Variants in ITIH5 observed in about 807,000 individuals in gnomAD.
ITIH5 encodes the protein inter-alpha-trypsin inhibitor heavy chain 5, also known as inter-alpha-trypsin inhibitor heavy chain H5.
Under a neutral mutation model 77.5 loss-of-function variants are expected in ITIH5, and 65 were observed. The observed-to-expected ratio is 0.84, with a 90% confidence interval of 0.69 to 1.03. The LOEUF (loss-of-function observed/expected upper bound fraction) is 1.03. ITIH5 is among the 50% of genes least tolerant of loss of function. The pLI is 0.00. For missense variants in ITIH5, 1,208 were observed against 1,213.1 expected (o/e 1.00, Z 0.06); for synonymous variants, 525 against 494.3 (o/e 1.06, Z -0.82).
rs1385886464 is a variant in ITIH5 at position 7,616,137 on chromosome 10, G to A, written c.823-39C>T. The A allele has an allele frequency of 3.4e-6, 4 of 1,192,000 alleles. No homozygotes were observed. The South Asian group carries it at 3.7e-5, about 11-fold the overall frequency. 73.8% of individuals were successfully genotyped at this position (1,192,000 alleles called of 1,614,324 possible). On this transcript the variant is annotated intron_variant, in intron 6 of 13. Transcript: ENST00000397146. ...AAGAAAGTAAAAACGGTAGTACCTA[G>A]AGCGGGGAGCAAAAATACCTGAAGT... is the stretch of plus-strand genomic sequence containing the variant.
At chr10:7,606,630 ACTGTG>A (rs1413748370) in intron 7 of ITIH5, among the ~76,000 whole-genome samples, 1 of 152,218 alleles carries the variant, frequency 6.6e-6, no homozygotes, top group Non-Finnish European at 1.5e-5. Flanking sequence ...CTTCTCAGGT[ACTGTG>A]CTTATTAGCT....
Position 7,637,239 on chromosome 10 carries a change from C to T in ITIH5, c.641G>A (p.Gly214Glu). The T allele has an allele frequency of 6.2e-7, 1 of 1,608,468 alleles. No individual in the cohort carries two copies. The highest frequency in any genetic ancestry group is 8.5e-7 in the Non-Finnish European group (1 of 1,179,884). Residue 214 changes from glycine to glutamate, a missense_variant, in exon 5 of 14, where the codon GGG (glycine) becomes GAG (glutamate). Coordinates refer to ENST00000397146, the MANE Select transcript of ITIH5 (RefSeq NM_030569.7). ...CACGCAGGACTCACCTTCCCCGCGC[C>T]CACTGCCCCTCTGCCTGCTGTTGTG... The part of the protein sequence containing the change: ...PLHNSRQRGS[G>E]RGEDDSGPPP...
chr10:7,586,923 C>A (rs1451221550), intron 7 of ITIH5, among the ~76,000 whole-genome samples: 1 of 152,094 alleles, frequency 6.6e-6, no homozygotes, highest in Non-Finnish European at 1.5e-5. Flanking sequence ...CTCTGCCTCC[C>A]AGGTTCAAGC....
At chr10:7,660,245 G>T (rs1834255445) in intron 1 of ITIH5, among the ~76,000 whole-genome samples, 1 of 152,196 alleles carries the variant, frequency 6.6e-6, no homozygotes, top group Non-Finnish European at 1.5e-5. Context: ...AGAAATAGAT[G>T]AAAGAAGAGA....
intron 7 of ITIH5, among the ~76,000 whole-genome samples, chr10:7,614,513 G>A (rs150020400): frequency 1.1e-4 from 16 of 152,254 alleles, no homozygotes; most frequent in African/African-American, 3.9e-4. Context: ...TATTGTTAGT[G>A]TGAGTGTATT....
chr10:7,576,938 GC>G lies in ITIH5; in HGVS notation c.1492del (p.Ala498ProfsTer44). The G allele has an allele frequency of 1.2e-6, 2 of 1,614,180 alleles. No individual in the cohort carries two copies. Among genetic ancestry groups the G allele is most frequent in the Non-Finnish European group, 1.7e-6 (2 of 1,180,026 alleles). ...GTAGTTGGGGAACAGGGTCTTGGTG[GC>G]CTGCACCACTGAGCTGGGGGGATAA... Reference protein sequence around the residue: ...IDYPPSSVVQATKTLFPNYFN... With the variant: ...IDYPPSSVVQXTKTLFPNYFN... On this transcript the variant is annotated frameshift_variant, in exon 10 of 14. Coordinates refer to ENST00000397146, the MANE Select transcript of ITIH5 (RefSeq NM_030569.7). LOFTEE classifies it high-confidence loss of function.
In ITIH5 at chr10:7,608,316, G is replaced by A. The variant is rs556992095; in HGVS notation, c.939+7666C>T. ...TTTGTTTGTGACAAGGTCTGGCTCT[G>A]TTGCCCAGGCTGGAGTGCAATGGCG... is the stretch of plus-strand genomic sequence containing the variant. On this transcript the variant is annotated intron_variant, in intron 7 of 13. Coordinates refer to ENST00000397146, the MANE Select transcript of ITIH5 (RefSeq NM_030569.7). Among the ~76,000 whole-genome samples the A allele has an allele frequency of 2.0e-4, 30 of 152,310 alleles. No individual in the cohort carries two copies. In the South Asian group the frequency reaches 5.8e-3, roughly 29 times the overall value.
intron 7 of ITIH5, among the ~76,000 whole-genome samples, chr10:7,598,122 G>C (rs1475791564): frequency 6.6e-6 from 1 of 152,202 alleles, no homozygotes; most frequent in African/African-American, 2.4e-5. Flanking sequence ...TTATGAAAAT[G>C]CCTAAAGGAA....
At position 7,636,387 on chromosome 10, in the gene ITIH5, A is replaced by T. The variant is rs79699834; in HGVS notation, c.652+841T>A. ...AGAATATAACATATTGCTGAATGTT[A>T]AAAAACAGATTTTTAGAAAATGGCC... On this transcript the variant is annotated intron_variant, in intron 5 of 13. Coordinates refer to ENST00000397146, the MANE Select transcript of ITIH5 (RefSeq NM_030569.7). Among the ~76,000 whole-genome samples the T allele has an allele frequency of 1.7e-3, 260 of 152,314 alleles. 1 individual carries two copies. In the East Asian group the frequency reaches 0.025, roughly 15 times the overall value.
At chr10:7,605,160 C>T (rs1271881352) in intron 7 of ITIH5, among the ~76,000 whole-genome samples, 5 of 151,914 alleles carry the variant, frequency 3.3e-5, no homozygotes, top group African/African-American at 4.8e-5. Flanking sequence ...CTAAAGTTCT[C>T]GGTGAAAGTG....
intron 7 of ITIH5, among the ~76,000 whole-genome samples, chr10:7,609,253 A>G (rs1021783897): frequency 3.3e-5 from 5 of 152,230 alleles, no homozygotes; most frequent in Admixed American, 1.3e-4. Context: ...TGATCACTCA[A>G]TGGTAACTAC....
chr10:7,624,639 G>A (rs1472364133), intron 5 of ITIH5, among the ~76,000 whole-genome samples: 2 of 150,290 alleles, frequency 1.3e-5, no homozygotes, highest in Non-Finnish European at 3.0e-5. Context: ...CTAACATGGT[G>A]AAACCCTGTC....
intron 7 of ITIH5, among the ~76,000 whole-genome samples, chr10:7,615,053 C>A (rs183333233): frequency 6.6e-6 from 1 of 152,226 alleles, no homozygotes; most frequent in East Asian, 1.9e-4. Flanking sequence ...TCCAGACCAG[C>A]CTGGCCAACA....
intron 11 of ITIH5, 154 bp downstream of exon 11, chr10:7,572,988 G>C (rs1157978329): frequency 1.6e-6 from 1 of 623,672 alleles, no homozygotes; most frequent in East Asian, 3.0e-5. Context: ...ATGTTGGCCA[G>C]GCTGGTCTTG....
chr10:7,659,497 T>A (rs890052314), intron 1 of ITIH5, among the ~76,000 whole-genome samples: 3 of 152,226 alleles, frequency 2.0e-5, no homozygotes, highest in Non-Finnish European at 4.4e-5. Flanking sequence ...TCTTTATCAG[T>A]CTTGCATGAT....
At chr10:7,585,346 C>T (rs1832650021) in intron 8 of ITIH5, among the ~76,000 whole-genome samples, 1 of 152,212 alleles carries the variant, frequency 6.6e-6, no homozygotes, top group Admixed American at 6.5e-5. Context: ...TCTTAACATT[C>T]TGCACCCTTA....
chr10:7,589,932 G>A (rs1421418419), intron 7 of ITIH5, among the ~76,000 whole-genome samples: 2 of 115,424 alleles, frequency 1.7e-5, no homozygotes, highest in African/African-American at 3.4e-5. Flanking sequence ...CCCACCCCCC[G>A]CCCGCTGGCC....
chr10:7,589,230 G>A (rs888930279), intron 7 of ITIH5, among the ~76,000 whole-genome samples: 14 of 152,200 alleles, frequency 9.2e-5, no homozygotes, highest in East Asian at 3.8e-4. Context: ...GGCTGAGGCG[G>A]GCAAATCATT....
intron 7 of ITIH5, among the ~76,000 whole-genome samples, chr10:7,613,605 C>T (rs1833301702): frequency 6.6e-6 from 1 of 151,892 alleles, no homozygotes; most frequent in South Asian, 2.1e-4. Context: ...CCAGTAAGAA[C>T]TAAAAAAGCT....
Sources: allele counts gnomAD v4.1 joint callset (sites outside exome capture counted in the v4.1 genomes callset), GRCh38; gene constraint gnomAD v4.1.1; transcripts MANE v1.5; gene names NCBI Gene and HGNC (gene_info 2026-07-23, HGNC 2026-07-21).